Variants in TRAPPC9 observed in about 807,000 individuals in gnomAD.
TRAPPC9 encodes IKK2 binding protein.
In TRAPPC9, 83 loss-of-function variants were observed where a neutral mutation model predicts 124.0. The ratio of observed to expected loss-of-function variants is 0.67; its 90% CI spans 0.56 to 0.80. The LOEUF is 0.80. Ranked by LOEUF, TRAPPC9 falls within the 30% of genes least tolerant of loss-of-function variation. The probability of loss-of-function intolerance (pLI) is 0.00; values close to 1 mark genes in which losing one functional copy is unlikely to be tolerated. For synonymous variants in TRAPPC9, 638 were observed against 617.5 expected (o/e 1.03, Z -0.49); for missense variants, 1,302 against 1,508.3 (o/e 0.86, Z 2.27).
rs11292333 is a variant in TRAPPC9 at position 140,125,587 on chromosome 8, C to CTTTTTTTTTTTTTTTTTT, written c.2556+95854_2556+95871dup. Among the ~76,000 whole-genome samples the CTTTTTTTTTTTTTTTTTT allele has an allele frequency of 1.9e-4, 13 of 67,820 alleles. 3 individuals are homozygous for CTTTTTTTTTTTTTTTTTT. The highest frequency in any genetic ancestry group is 3.1e-4 in the African/African-American group (5 of 16,278). The allele number at this position is 67,820 out of a possible 152,430, so 44.5% of individuals were successfully genotyped here. A position where few individuals can be genotyped will look rare whatever the true frequency, so the allele number is the denominator to read the frequency against. ...GCATGTTCATTTATCGAATCTCATT[C>CTTTTTTTTTTTTTTTTTT]TTTTTTTTTTTTTTTTTTTTTTTTT... On this transcript the variant is annotated intron_variant, in intron 17 of 22. Coordinates refer to ENST00000438773, the MANE Select transcript of TRAPPC9 (RefSeq NM_001160372.4).
At chr8:139,786,330 G>C (rs1040332838) in intron 21 of TRAPPC9, among the ~76,000 whole-genome samples, 2 of 152,192 alleles carry the variant, frequency 1.3e-5, no homozygotes, top group Non-Finnish European at 2.9e-5. Context: ...AGTCAGTAGG[G>C]AGATGCAAAT....
chr8:140,147,121 C>T (rs1484859223), intron 17 of TRAPPC9, among the ~76,000 whole-genome samples: 4 of 152,222 alleles, frequency 2.6e-5, no homozygotes, highest in African/African-American at 9.7e-5. Context: ...TTACTCTACC[C>T]TACAACATTG....
At chr8:140,113,575 T>C (rs1020171893) in intron 17 of TRAPPC9, among the ~76,000 whole-genome samples, 10 of 152,312 alleles carry the variant, frequency 6.6e-5, no homozygotes, top group African/African-American at 2.4e-4. Flanking sequence ...GAGGGAGTCC[T>C]GGGCGTGGAG....
intron 14 of TRAPPC9, among the ~76,000 whole-genome samples, chr8:140,278,046 C>T (rs2065179979): frequency 6.6e-6 from 1 of 152,150 alleles, no homozygotes; most frequent in Non-Finnish European, 1.5e-5. Context: ...CTCAGCTGCC[C>T]TTCCTGTAGC....
At chr8:140,055,534 A>G (rs1278782950) in intron 17 of TRAPPC9, among the ~76,000 whole-genome samples, 2 of 152,248 alleles carry the variant, frequency 1.3e-5, no homozygotes, top group East Asian at 3.8e-4. Context: ...AATTAGGAGG[A>G]AAAGCAAACA....
rs76760492 is a variant in TRAPPC9 at position 140,070,099 on chromosome 8, G to A, written c.2557-46020C>T. 7.8e-3 allele frequency among the ~76,000 whole-genome samples: 1,185 copies of A among 152,286 alleles called. 16 individuals are homozygous for A. Among genetic ancestry groups the A allele is most frequent in the African/African-American group, 0.026 (1,098 of 41,546 alleles). On this transcript the variant is annotated intron_variant, in intron 17 of 22. Coordinates refer to ENST00000438773, the MANE Select transcript of TRAPPC9 (RefSeq NM_001160372.4). ...CAGTCCCCTCAGGGACACACCCAGC[G>A]GCAACGCGTTACCAGTTCTCCAGGT... is the stretch of plus-strand genomic sequence containing the variant.
At chr8:139,838,374 C>A (rs893124698) in intron 21 of TRAPPC9, among the ~76,000 whole-genome samples, 1 of 152,244 alleles carries the variant, frequency 6.6e-6, no homozygotes, top group African/African-American at 2.4e-5. Flanking sequence ...ACAGGAGTCA[C>A]ATCTGTCATG....
intron 21 of TRAPPC9, chr8:139,806,314 G>C (rs1383241427): frequency 6.6e-6 from 1 of 152,358 alleles, no homozygotes; most frequent in African/African-American, 2.4e-5. Flanking sequence ...TTTCCCTCCT[G>C]TGCGCAGCAG....
At chr8:140,305,498 C>T (rs907398882) in intron 10 of TRAPPC9, among the ~76,000 whole-genome samples, 1 of 152,100 alleles carries the variant, frequency 6.6e-6, no homozygotes, top group Non-Finnish European at 1.5e-5. Flanking sequence ...GATGGGGTTC[C>T]GCTCTGTTGG....
rs140309778 is a variant in TRAPPC9, at chr8:139,935,828, C to T, written c.2811-25528G>A. On this transcript the variant is annotated intron_variant, in intron 19 of 22. Transcript: ENST00000438773. The stretch of plus-strand genomic sequence containing the variant: ...ATTTAACACAACTTCAGAACAATCA[C>T]CTCATTTCATCCATACAAGAACCCT... 3.5e-4 allele frequency among the ~76,000 whole-genome samples: 53 copies of T among 152,340 alleles called. No individual in the cohort carries two copies. The East Asian group carries it at 9.4e-3, about 27-fold the overall frequency.
intron 9 of TRAPPC9, among the ~76,000 whole-genome samples, chr8:140,349,598 C>G (rs115199860): frequency 4.0e-4 from 61 of 152,214 alleles, no homozygotes; most frequent in African/African-American, 1.4e-3. Context: ...CACAGGGAAG[C>G]CAGTGGGGTG....
chr8:139,837,317 C>G (rs917238340), intron 21 of TRAPPC9, among the ~76,000 whole-genome samples: 12 of 152,204 alleles, frequency 7.9e-5, no homozygotes, highest in Admixed American at 7.9e-4. Flanking sequence ...CCCCAGTGCA[C>G]AGCTGCCACG....
chr8:140,032,461 C>A (rs1840557115), intron 17 of TRAPPC9, among the ~76,000 whole-genome samples: 1 of 151,830 alleles, frequency 6.6e-6, no homozygotes, highest in African/African-American at 2.4e-5. Context: ...ATAAATTACA[C>A]ATGCTGTCCA....
chr8:140,094,218 C>A (rs1844774061), intron 17 of TRAPPC9, among the ~76,000 whole-genome samples: 1 of 152,206 alleles, frequency 6.6e-6, no homozygotes, highest in African/African-American at 2.4e-5. Context: ...GCAACAGGCA[C>A]CGCTCACTGA....
rs554688557 is a variant in TRAPPC9, at chr8:140,144,507, T to C, written c.2556+76952A>G. Reference sequence around the variant, plus strand: ...TCATTCATTCATTCATTCATTCATTTAGATGGAGTCTCACTCTTTTGCCCA... The same window carrying C: ...TCATTCATTCATTCATTCATTCATTCAGATGGAGTCTCACTCTTTTGCCCA... On this transcript the variant is annotated intron_variant, in intron 17 of 22. Transcript: ENST00000438773. Among the ~76,000 whole-genome samples the C allele has an allele frequency of 7.0e-4, 102 of 144,682 alleles. No homozygotes were observed. The Middle Eastern group carries it at 0.011, about 16-fold the overall frequency. The allele number at this position is 144,682 out of a possible 152,430, so 94.9% of individuals were successfully genotyped here.
At chr8:139,910,032 T>A in intron 20 of TRAPPC9, 115 bp downstream of exon 20, 3 of 1,256,584 alleles carry the variant, frequency 2.4e-6, no homozygotes, top group Non-Finnish European at 3.3e-6. Context: ...GCCACAGCAT[T>A]TCTGAGCTAC....
intron 17 of TRAPPC9, chr8:140,096,572 G>A (rs1844967235): frequency 6.6e-6 from 1 of 152,212 alleles, no homozygotes; most frequent in African/African-American, 2.4e-5. Context: ...TGAGGAATAG[G>A]TATGAAGTTG....
intron 21 of TRAPPC9, among the ~76,000 whole-genome samples, chr8:139,807,259 C>A (rs779420310): frequency 1.6e-4 from 24 of 152,276 alleles, no homozygotes; most frequent in Admixed American, 6.5e-4. Context: ...AAGGCCACAG[C>A]GGTGCAGGTC....
chr8:140,123,694 T>C (rs554890169), intron 17 of TRAPPC9, among the ~76,000 whole-genome samples: 51 of 152,376 alleles, frequency 3.3e-4, no homozygotes, highest in African/African-American at 1.2e-3. Context: ...TTATTTATTT[T>C]CTGTCTTCCC....
Sources: allele counts gnomAD v4.1 joint callset (sites outside exome capture counted in the v4.1 genomes callset), GRCh38; gene constraint gnomAD v4.1.1; transcripts MANE v1.5; gene names NCBI Gene and HGNC (gene_info 2026-07-23, HGNC 2026-07-21).